The following CDH12 variants were observed in gnomAD, a reference collection of about 807,000 sequenced individuals.
CDH12 encodes the protein cadherin-12.
Under a neutral mutation model 74.1 loss-of-function variants are expected in CDH12, and 41 were observed. That is an observed-to-expected ratio of 0.55 (90% CI 0.43 to 0.72). The LOEUF is 0.72. Ranked by LOEUF, CDH12 falls within the 30% of genes least tolerant of loss-of-function variation. CDH12 has a pLI of 0.00. For missense variants in CDH12, 945 were observed against 977.2 expected, an observed-to-expected ratio of 0.97 and a Z score of 0.44; for synonymous variants, 399 against 355.0, an observed-to-expected ratio of 1.12 and a Z score of -1.39.
chr5:22,569,960 T>G (rs1191439195), intron 1 of CDH12, among the ~76,000 whole-genome samples: 2 of 152,206 alleles, frequency 1.3e-5, no homozygotes, highest in African/African-American at 4.8e-5. Flanking sequence ...CAAATGGTTT[T>G]CAATTACTAT....
intron 3 of CDH12, among the ~76,000 whole-genome samples, chr5:22,357,957 A>C (rs1325751887): frequency 1.3e-5 from 2 of 152,216 alleles, no homozygotes; most frequent in African/African-American, 4.8e-5. Flanking sequence ...TTGGTATTTA[A>C]TGTATATCTC....
intron 3 of CDH12, among the ~76,000 whole-genome samples, chr5:22,369,408 A>AT (rs1463491329): frequency 1.3e-5 from 2 of 152,012 alleles, no homozygotes; most frequent in African/African-American, 4.8e-5. Context: ...TTTTTCCACC[A>AT]TTTTTTTCCT....
At chr5:22,317,567 A>T (rs144457170) in intron 3 of CDH12, among the ~76,000 whole-genome samples, 113 of 152,256 alleles carry the variant, frequency 7.4e-4, no homozygotes, top group African/African-American at 2.6e-3. Flanking sequence ...TGTTAATTTG[A>T]TTGTAAACTG....
At chr5:21,972,713 G>C (rs1756904436) in intron 6 of CDH12, among the ~76,000 whole-genome samples, 1 of 152,092 alleles carries the variant, frequency 6.6e-6, no homozygotes, top group Admixed American at 6.6e-5. Flanking sequence ...ATGTGTATAT[G>C]TGAGATTATG....
chr5:22,055,954 C>T (rs1376994733), intron 5 of CDH12, among the ~76,000 whole-genome samples: 2 of 152,024 alleles, frequency 1.3e-5, no homozygotes, highest in African/African-American at 2.4e-5. Flanking sequence ...ATAAATAATA[C>T]TTTTCAATTT....
intron 6 of CDH12, among the ~76,000 whole-genome samples, chr5:21,965,595 AT>A (rs56966304): frequency 0.011 from 1,610 of 145,518 alleles, 22 homozygotes; most frequent in African/African-American, 0.034. Context: ...GTAGACTCTG[AT>A]TTTTTTTTTT....
intron 4 of CDH12, among the ~76,000 whole-genome samples, chr5:22,123,296 A>G (rs1392966321): frequency 6.6e-6 from 1 of 152,202 alleles, no homozygotes; most frequent in Non-Finnish European, 1.5e-5. Flanking sequence ...AAATCTGTCT[A>G]TGTCTTGATC....
chr5:22,838,244 T>C (rs1474140696), intron 1 of CDH12, among the ~76,000 whole-genome samples: 2 of 152,178 alleles, frequency 1.3e-5, no homozygotes, highest in Non-Finnish European at 2.9e-5. Flanking sequence ...GGGCAACAGC[T>C]TCTTGTAGAC....
intron 5 of CDH12, among the ~76,000 whole-genome samples, chr5:22,039,040 C>T (rs1481723431): frequency 6.6e-6 from 1 of 152,140 alleles, no homozygotes; most frequent in East Asian, 1.9e-4. Flanking sequence ...CAACAGGGTT[C>T]AAGCAACAGC....
intron 2 of CDH12, among the ~76,000 whole-genome samples, chr5:22,408,075 G>C (rs1241612546): frequency 6.6e-6 from 1 of 151,920 alleles, no homozygotes; most frequent in East Asian, 1.9e-4. Context: ...ATAAAGTTTT[G>C]AGTGTAAAGC....
chr5:21,954,147 A>C (rs1580011448), intron 6 of CDH12, among the ~76,000 whole-genome samples: 1 of 152,272 alleles, frequency 6.6e-6, no homozygotes, highest in South Asian at 2.1e-4. Flanking sequence ...AATGATGATA[A>C]TTATGACTAT....
chr5:21,902,767 T>C (rs1753452744), intron 6 of CDH12, among the ~76,000 whole-genome samples: 1 of 152,142 alleles, frequency 6.6e-6, no homozygotes, highest in Admixed American at 6.6e-5. Flanking sequence ...TTTTTAAAAT[T>C]TATTTTTAAT....
chr5:22,140,231 GT>G (rs1471251261), intron 4 of CDH12, among the ~76,000 whole-genome samples: 2 of 151,954 alleles, frequency 1.3e-5, no homozygotes, highest in Middle Eastern at 6.3e-3. Context: ...ATACCTAAGT[GT>G]GATGATTTCT....
At chr5:22,827,278 G>A (rs1736388271) in intron 1 of CDH12, among the ~76,000 whole-genome samples, 1 of 152,174 alleles carries the variant, frequency 6.6e-6, no homozygotes, top group Admixed American at 6.5e-5. Flanking sequence ...TGAGGTCTCC[G>A]CCTAGATTTC....
chr5:22,397,168 A>T (rs1742494119), intron 3 of CDH12, among the ~76,000 whole-genome samples: 1 of 152,086 alleles, frequency 6.6e-6, no homozygotes, highest in African/African-American at 2.4e-5. Flanking sequence ...AAAAATTATT[A>T]TCACGTGGCA....
chr5:22,470,582 T>C (rs554206969), intron 2 of CDH12, among the ~76,000 whole-genome samples: 299 of 151,812 alleles, frequency 2.0e-3, no homozygotes, highest in Non-Finnish European at 3.5e-3. Context: ...CCCTGCCTGG[T>C]TAAGTTTTAA....
At chr5:22,405,014 A>G (rs1327525386) in intron 3 of CDH12, among the ~76,000 whole-genome samples, 1 of 152,184 alleles carries the variant, frequency 6.6e-6, no homozygotes, top group Non-Finnish European at 1.5e-5. Flanking sequence ...GTTCAAGACC[A>G]GCCTGGCCAA....
intron 1 of CDH12, among the ~76,000 whole-genome samples, chr5:22,779,535 A>G (rs912431709): frequency 6.6e-6 from 1 of 152,164 alleles, no homozygotes. Context: ...TGTGTCCCCA[A>G]CCAAATCTCA....
At chr5:22,182,706 G>A (rs1232574700) in intron 4 of CDH12, among the ~76,000 whole-genome samples, 1 of 152,078 alleles carries the variant, frequency 6.6e-6, no homozygotes, top group East Asian at 1.9e-4. Context: ...CACAGCAGTT[G>A]GGTTATAGAT....
Sources: allele counts gnomAD v4.1 joint callset (sites outside exome capture counted in the v4.1 genomes callset), GRCh38; gene constraint gnomAD v4.1.1; transcripts MANE v1.5; gene names NCBI Gene and HGNC (gene_info 2026-07-23, HGNC 2026-07-21).